The following THADA variants were observed in gnomAD, a reference collection of about 807,000 sequenced individuals.
THADA encodes the protein tRNA (32-2'-O)-methyltransferase regulator THADA.
THADA carries 213 observed loss-of-function variants against 219.8 expected under a neutral mutation model. The observed-to-expected ratio is 0.97, with a 90% CI of 0.87 to 1.09. THADA has a LOEUF of 1.09. Among genes scored for constraint, THADA ranks in the 50% least tolerant of loss-of-function variants. The pLI is 0.00. For missense variants in THADA, 2,956 were observed against 2,311.3 expected (o/e 1.28, Z -5.72); for synonymous variants, 1,018 against 828.9 (o/e 1.23, Z -3.92).
intron 11 of THADA, among the ~76,000 whole-genome samples, chr2:43,573,481 G>C (rs774101205): frequency 6.6e-6 from 1 of 152,180 alleles, no homozygotes; most frequent in East Asian, 1.9e-4. Flanking sequence ...CAAGAAGACA[G>C]GGCAGCTTGA....
chr2:43,235,795 A>G (rs1023523064), intron 36 of THADA, among the ~76,000 whole-genome samples: 8 of 151,810 alleles, frequency 5.3e-5, no homozygotes, highest in Non-Finnish European at 8.8e-5. Context: ...CAGGACAGGT[A>G]GCCTCTATCC....
At chr2:43,309,423 T>C (rs533879978) in intron 31 of THADA, among the ~76,000 whole-genome samples, 2 of 152,218 alleles carry the variant, frequency 1.3e-5, no homozygotes, top group East Asian at 3.9e-4. Flanking sequence ...CTCCAAAAAG[T>C]GGAAACGACC....
At chr2:43,360,416 G>A (rs547036118) in intron 29 of THADA, among the ~76,000 whole-genome samples, 5 of 152,262 alleles carry the variant, frequency 3.3e-5, no homozygotes, top group Admixed American at 2.0e-4. Flanking sequence ...AAATGGTTTG[G>A]CATACAAAGT....
At chr2:43,288,451 T>C (rs1674309903) in intron 34 of THADA, among the ~76,000 whole-genome samples, 1 of 152,182 alleles carries the variant, frequency 6.6e-6, no homozygotes, top group African/African-American at 2.4e-5. Flanking sequence ...CTAACACTAT[T>C]GTTTAAACAA....
Position 43,538,231 on chromosome 2 carries a change from A to G in THADA, c.3264+2928T>C, listed in dbSNP as rs572032469. On this transcript the variant is annotated intron_variant, in intron 21 of 37. Transcript: ENST00000405975. ...ATATAACAAGCAAAAGCTCTACATC[A>G]GCAAAACATCAAGTTTGAAAACTCC... is the stretch of plus-strand genomic sequence containing the variant. Among the ~76,000 whole-genome samples, 18 of 152,378 alleles carry G rather than the reference A, an allele frequency of 1.2e-4. No homozygotes were observed. The South Asian group carries it at 3.7e-3, about 32-fold the overall frequency.
intron 7 of THADA, among the ~76,000 whole-genome samples, chr2:43,585,887 A>T (rs1700970385): frequency 6.6e-6 from 1 of 152,056 alleles, no homozygotes; most frequent in Admixed American, 6.5e-5. Context: ...ATATTTTAAT[A>T]AAGTTCAAAT....
chr2:43,367,650 C>A (rs113817158), intron 29 of THADA, among the ~76,000 whole-genome samples: 1 of 152,134 alleles, frequency 6.6e-6, no homozygotes, highest in South Asian at 2.1e-4. Context: ...AGGCAAGGTA[C>A]AAGATTGTAG....
intron 26 of THADA, among the ~76,000 whole-genome samples, chr2:43,458,223 A>G (rs1231145938): frequency 6.6e-6 from 1 of 152,202 alleles, no homozygotes; most frequent in Non-Finnish European, 1.5e-5. Flanking sequence ...ATTTTATTCT[A>G]AGGACAGTCT....
intron 37 of THADA, among the ~76,000 whole-genome samples, chr2:43,231,846 A>T (rs1187217661): frequency 6.6e-6 from 1 of 152,174 alleles, no homozygotes; most frequent in African/African-American, 2.4e-5. Flanking sequence ...AATTTCTCAT[A>T]AAGAGGGACA....
chr2:43,510,204 A>T (rs1482314937), intron 22 of THADA, among the ~76,000 whole-genome samples: 1 of 152,232 alleles, frequency 6.6e-6, no homozygotes, highest in Non-Finnish European at 1.5e-5. Flanking sequence ...AGTACATAGG[A>T]ATAAAAATCA....
At chr2:43,261,258 G>A (rs930135397) in intron 36 of THADA, among the ~76,000 whole-genome samples, 2 of 116,478 alleles carry the variant, frequency 1.7e-5, no homozygotes, top group African/African-American at 6.9e-5. Flanking sequence ...AGGTCTTGCT[G>A]TGTCACCCAG....
At chr2:43,529,921 G>A (rs1028958786) in intron 21 of THADA, among the ~76,000 whole-genome samples, 2 of 152,178 alleles carry the variant, frequency 1.3e-5, no homozygotes, top group African/African-American at 2.4e-5. Flanking sequence ...GACACAGGTT[G>A]TTGTATTAAA....
At chr2:43,570,611 G>C in intron 13 of THADA, 101 bp from the exon 14 acceptor site, 1 of 1,250,766 alleles carries the variant, frequency 8.0e-7, no homozygotes, top group Non-Finnish European at 1.1e-6. Flanking sequence ...GGCAAGAAGA[G>C]TACAGATTTT....
rs113018431 is a variant in THADA at position 43,347,318 on chromosome 2, T to C, written c.4228-3081A>G. Among the ~76,000 whole-genome samples, 523 of 152,328 alleles carry C rather than the reference T, an allele frequency of 3.4e-3. 3 individuals carry two copies. The highest frequency in any genetic ancestry group is 0.012 in the African/African-American group (513 of 41,580). On this transcript the variant is annotated intron_variant, in intron 29 of 37. Coordinates refer to ENST00000405975, the MANE Select transcript of THADA (RefSeq NM_022065.5). ...TACTAGGCACGCACTAGGGAAGTGA[T>C]AACAATGTTGATTCTTTTCCATGTT...
intron 26 of THADA, among the ~76,000 whole-genome samples, chr2:43,472,426 T>C (rs1685009768): frequency 1.3e-5 from 2 of 152,262 alleles, no homozygotes; most frequent in East Asian, 1.9e-4. Context: ...CCTATGCTAC[T>C]ATAATATTGA....
intron 28 of THADA, among the ~76,000 whole-genome samples, chr2:43,427,663 A>C (rs564971197): frequency 6.7e-6 from 1 of 149,118 alleles, no homozygotes; most frequent in Non-Finnish European, 1.5e-5. Context: ...TATATAAAAA[A>C]ATATATAATA....
chr2:43,304,339 C>T (rs954812739), intron 31 of THADA, among the ~76,000 whole-genome samples: 11 of 152,152 alleles, frequency 7.2e-5, no homozygotes, highest in African/African-American at 2.4e-4. Context: ...AGTCAGTATC[C>T]ATGAAGGCAG....
intron 21 of THADA, among the ~76,000 whole-genome samples, chr2:43,530,764 C>T (rs546569023): frequency 1.9e-4 from 29 of 152,282 alleles, no homozygotes; most frequent in Admixed American, 2.0e-4. Flanking sequence ...AAACTCCCTT[C>T]GAAGAGGTCT....
At chr2:43,556,701 G>A (rs1002970181) in intron 16 of THADA, 146 bp from the exon 17 acceptor site, 7 of 702,410 alleles carry the variant, frequency 1.0e-5, no homozygotes, top group African/African-American at 7.2e-5. Context: ...GATGGAGGAG[G>A]ATTACTTGAG....
Sources: allele counts gnomAD v4.1 joint callset (sites outside exome capture counted in the v4.1 genomes callset), GRCh38; gene constraint gnomAD v4.1.1; transcripts MANE v1.5; gene names NCBI Gene and HGNC (gene_info 2026-07-23, HGNC 2026-07-21).